Variants in FSTL4 observed in about 807,000 individuals in gnomAD.
FSTL4 encodes follistatin like 4, also known as follistatin-related protein 4.
Under a neutral mutation model 78.2 loss-of-function variants are expected in FSTL4, and 28 were observed. The ratio of observed to expected loss-of-function variants is 0.36; its 90% CI spans 0.27 to 0.49. The LOEUF is 0.49. Ranked by LOEUF, FSTL4 falls within the 20% of genes least tolerant of loss-of-function variation. The probability of loss-of-function intolerance (pLI) is 0.98; values close to 1 mark genes in which losing one functional copy is unlikely to be tolerated. For missense variants in FSTL4, 922 were observed against 1,084.9 expected (o/e 0.85, Z 2.11); for synonymous variants, 422 against 440.5 (o/e 0.96, Z 0.53).
In FSTL4 at chr5:133,541,953, CTT is replaced by C. The variant is rs1405242947; in HGVS notation, c.160+25231_160+25232del. Among the ~76,000 whole-genome samples the C allele has an allele frequency of 2.0e-5, 3 of 152,094 alleles. No homozygotes were observed. The South Asian group carries it at 6.2e-4, about 32-fold the overall frequency. On this transcript the variant is annotated intron_variant, in intron 3 of 15. Transcript: ENST00000265342. ...ACACACACACACACACACACACACT[CTT>C]AACTTTAAGCAATACTTAACTGATA...
intron 6 of FSTL4, among the ~76,000 whole-genome samples, chr5:133,271,577 T>C (rs954782495): frequency 4.6e-5 from 7 of 152,152 alleles, no homozygotes; most frequent in Non-Finnish European, 8.8e-5. Flanking sequence ...TGTTCTGAAT[T>C]GAATTTTAGC....
chr5:133,782,350 G>A, the FSTL4 span, among the ~76,000 whole-genome samples: 1,498 of 152,312 alleles, frequency 9.8e-3, 9 homozygotes, highest in Non-Finnish European at 0.016. Context: ...ACATGCACCC[G>A]CTTCCTGCAA....
In FSTL4 at chr5:133,551,097, G is replaced by C. The variant is rs1759683180; in HGVS notation, c.160+16089C>G. Among the ~76,000 whole-genome samples, 3 of 152,054 alleles carry C rather than the reference G, an allele frequency of 2.0e-5. No individual in the cohort carries two copies. In the South Asian group the frequency reaches 6.2e-4, roughly 32 times the overall value. ...AACATGTTTCTAATAAACCTCCTGG[G>C]ATTCATATAAGTTCTTTCATAGCAG... On this transcript the variant is annotated intron_variant, in intron 3 of 15. Coordinates refer to ENST00000265342, the MANE Select transcript of FSTL4 (RefSeq NM_015082.2).
chr5:133,398,675 C>A (rs896729904), intron 4 of FSTL4, among the ~76,000 whole-genome samples: 1 of 152,132 alleles, frequency 6.6e-6, no homozygotes, highest in Non-Finnish European at 1.5e-5. Context: ...TCCTTCACTT[C>A]TCTCCATGGC....
At chr5:133,655,919 C>T in the FSTL4 span, among the ~76,000 whole-genome samples, 14,782 of 152,148 alleles carry the variant, frequency 0.097, 841 homozygotes, top group South Asian at 0.17. Context: ...ATGAGAAAAC[C>T]GAGCATAAAA....
At chr5:133,837,571 G>T in the FSTL4 span, among the ~76,000 whole-genome samples, 8 of 151,866 alleles carry the variant, frequency 5.3e-5, no homozygotes, top group Non-Finnish European at 1.0e-4. Flanking sequence ...AGGAAGAGAT[G>T]ACCTTAATCC....
chr5:133,400,656 C>T (rs761951700), intron 4 of FSTL4, 82 bp downstream of exon 4: 4 of 1,261,478 alleles, frequency 3.2e-6, no homozygotes, highest in Admixed American at 1.8e-5. Flanking sequence ...CTTGTAGACT[C>T]AGCACCCAGG....
chr5:133,756,957 T>C, the FSTL4 span, among the ~76,000 whole-genome samples: 4 of 152,156 alleles, frequency 2.6e-5, no homozygotes, highest in African/African-American at 4.8e-5. Context: ...CCCCAGACAA[T>C]GGTCTCATGT....
the FSTL4 span, among the ~76,000 whole-genome samples, chr5:133,681,693 C>G: frequency 6.6e-6 from 1 of 152,124 alleles, no homozygotes; most frequent in African/African-American, 2.4e-5. Flanking sequence ...TTGGACCCCC[C>G]ATGAGAGAAG....
intron 3 of FSTL4, among the ~76,000 whole-genome samples, chr5:133,501,706 T>G (rs1382682260): frequency 6.6e-6 from 1 of 152,168 alleles, no homozygotes; most frequent in Non-Finnish European, 1.5e-5. Flanking sequence ...ACCATTCATG[T>G]GATTATGTTC....
At chr5:133,239,930 A>T (rs1751783443) in intron 7 of FSTL4, among the ~76,000 whole-genome samples, 1 of 152,260 alleles carries the variant, frequency 6.6e-6, no homozygotes, top group African/African-American at 2.4e-5. Context: ...TGGACCAATC[A>T]GCAGGATGTG....
intron 4 of FSTL4, among the ~76,000 whole-genome samples, chr5:133,395,361 G>A (rs1328941004): frequency 1.3e-5 from 2 of 152,130 alleles, no homozygotes; most frequent in East Asian, 3.8e-4. Context: ...AACACTCACC[G>A]CGAAGGTCCG....
intron 4 of FSTL4, among the ~76,000 whole-genome samples, chr5:133,340,383 G>A (rs1036907063): frequency 6.6e-6 from 1 of 152,172 alleles, no homozygotes; most frequent in African/African-American, 2.4e-5. Flanking sequence ...GAAACCTCCA[G>A]GGGTTTGATC....
At chr5:133,781,462 G>A in the FSTL4 span, among the ~76,000 whole-genome samples, 3 of 151,950 alleles carry the variant, frequency 2.0e-5, no homozygotes, top group Admixed American at 2.0e-4. Flanking sequence ...GGGGTAGGAA[G>A]GGCCAGAGGG....
chr5:133,384,442 T>C (rs970187181), intron 4 of FSTL4, among the ~76,000 whole-genome samples: 2 of 152,236 alleles, frequency 1.3e-5, no homozygotes, highest in Non-Finnish European at 2.9e-5. Context: ...CACTCAGGCC[T>C]CGCTGAGATG....
the FSTL4 span, among the ~76,000 whole-genome samples, chr5:133,724,909 G>A: frequency 6.6e-6 from 1 of 152,184 alleles, no homozygotes; most frequent in African/African-American, 2.4e-5. Flanking sequence ...TGAAGTAAAA[G>A]TTGAGGTTCA....
the FSTL4 span, among the ~76,000 whole-genome samples, chr5:133,774,993 T>A: frequency 6.6e-6 from 1 of 150,756 alleles, no homozygotes; most frequent in Non-Finnish European, 1.5e-5. Context: ...AAAAAAAAAA[T>A]GTTGCTTTTC....
chr5:133,754,649 C>T, the FSTL4 span, among the ~76,000 whole-genome samples: 1 of 152,120 alleles, frequency 6.6e-6, no homozygotes, highest in Non-Finnish European at 1.5e-5. Flanking sequence ...TCAGAAAACC[C>T]ACTATGTCTG....
chr5:133,534,463 A>G (rs888025744), intron 3 of FSTL4, among the ~76,000 whole-genome samples: 1 of 152,150 alleles, frequency 6.6e-6, no homozygotes, highest in Non-Finnish European at 1.5e-5. Context: ...ATTCTGATGT[A>G]TTTCTTCACA....
Sources: allele counts gnomAD v4.1 joint callset (sites outside exome capture counted in the v4.1 genomes callset), GRCh38; gene constraint gnomAD v4.1.1; transcripts MANE v1.5; gene names NCBI Gene and HGNC (gene_info 2026-07-23, HGNC 2026-07-21).